Variants in CSMD1 observed in about 807,000 individuals in gnomAD.
CSMD1 encodes the protein CUB and Sushi multiple domains 1, also known as CUB and sushi domain-containing protein 1.
CSMD1 carries 213 observed loss-of-function variants against 417.5 expected under a neutral mutation model. That is an observed-to-expected ratio of 0.51 (90% confidence interval 0.46 to 0.57). The LOEUF (loss-of-function observed/expected upper bound fraction) is 0.57. Ranked by LOEUF, CSMD1 falls within the 20% of genes least tolerant of loss-of-function variation. The pLI is 0.00. For missense variants in CSMD1, 6,923 were observed against 4,529.7 expected (o/e 1.53, Z -15.17); for synonymous variants, 2,862 against 1,736.8 (o/e 1.65, Z -16.11).
At chr8:3,694,666 G>A (rs961466810) in intron 7 of CSMD1, among the ~76,000 whole-genome samples, 1 of 151,928 alleles carries the variant, frequency 6.6e-6, no homozygotes, top group Non-Finnish European at 1.5e-5. Flanking sequence ...CAGTGGAGGA[G>A]GTGCTCCACT....
chr8:4,073,409 G>T (rs892099898), intron 3 of CSMD1, among the ~76,000 whole-genome samples: 3 of 152,208 alleles, frequency 2.0e-5, no homozygotes, highest in Non-Finnish European at 4.4e-5. Context: ...AGAAGAAGCT[G>T]AGGGAAATTT....
At chr8:4,565,751 T>TAC (rs1314359735) in intron 2 of CSMD1, among the ~76,000 whole-genome samples, 1 of 850 alleles carries the variant, frequency 1.2e-3, no homozygotes, top group African/African-American at 2.2e-3. Context: ...AATATATACA[T>TAC]ATATATATAT....
chr8:4,708,999 C>T (rs974790), intron 1 of CSMD1, among the ~76,000 whole-genome samples: 68,260 of 151,966 alleles, frequency 0.45, 15,642 homozygotes, highest in Admixed American at 0.56. Context: ...TTCCAACCTC[C>T]TGAACCTTGA....
rs575197721 is a variant in CSMD1, at chr8:3,260,838, C to G, written c.4153+23306G>C. Reference sequence around the variant, plus strand: ...GAAAAGCTTTTGCTCTAAAAAAGACCCTGTGAAGAGGATGGAAAGACAAGC... The same window carrying G: ...GAAAAGCTTTTGCTCTAAAAAAGACGCTGTGAAGAGGATGGAAAGACAAGC... On this transcript the variant is annotated intron_variant, in intron 26 of 69. Coordinates refer to ENST00000635120, the MANE Select transcript of CSMD1 (RefSeq NM_033225.6). Among the ~76,000 whole-genome samples, 4 of 149,844 alleles carry G rather than the reference C, an allele frequency of 2.7e-5. No homozygotes were observed. In the South Asian group the frequency reaches 8.3e-4, roughly 31 times the overall value.
At chr8:4,474,122 T>C (rs1342400384) in intron 2 of CSMD1, among the ~76,000 whole-genome samples, 1 of 152,050 alleles carries the variant, frequency 6.6e-6, no homozygotes, top group Non-Finnish European at 1.5e-5. Flanking sequence ...ACTAGAGAGA[T>C]TGAAAATGAT....
intron 2 of CSMD1, among the ~76,000 whole-genome samples, chr8:4,636,849 G>A (rs936596927): frequency 2.0e-5 from 3 of 152,132 alleles, no homozygotes; most frequent in African/African-American, 7.2e-5. Context: ...GGGACTTGGA[G>A]AACTTTTCTG....
At chr8:4,029,999 C>T (rs561832275) in intron 4 of CSMD1, among the ~76,000 whole-genome samples, 1 of 152,302 alleles carries the variant, frequency 6.6e-6, no homozygotes, top group African/African-American at 2.4e-5. Flanking sequence ...GTCTCACATC[C>T]AGGTCATGCT....
intron 26 of CSMD1, among the ~76,000 whole-genome samples, chr8:3,230,866 C>T (rs2116909623): frequency 6.6e-6 from 1 of 152,266 alleles, no homozygotes; most frequent in East Asian, 1.9e-4. Flanking sequence ...TAATATCCTG[C>T]CTTTCTGCAT....
At chr8:3,893,439 A>T (rs182238963) in intron 5 of CSMD1, among the ~76,000 whole-genome samples, 1 of 149,508 alleles carries the variant, frequency 6.7e-6, no homozygotes, top group Non-Finnish European at 1.5e-5. Flanking sequence ...CCTGAAACCA[A>T]TGAGGACAGT....
chr8:4,713,908 G>A (rs7012567), intron 1 of CSMD1, among the ~76,000 whole-genome samples: 4,755 of 152,216 alleles, frequency 0.031, 120 homozygotes, highest in Non-Finnish European at 0.045. Context: ...TTGTGGGGAG[G>A]CCGAGGAGGG....
intron 5 of CSMD1, among the ~76,000 whole-genome samples, chr8:3,779,153 G>GTGTC (rs992470045): frequency 2.6e-5 from 3 of 115,692 alleles, no homozygotes; most frequent in Admixed American, 9.9e-5. Flanking sequence ...GCATACTTGT[G>GTGTC]TGTGTGTGTG....
chr8:3,449,567 G>A (rs149018398), intron 12 of CSMD1, among the ~76,000 whole-genome samples: 3 of 151,704 alleles, frequency 2.0e-5, no homozygotes, highest in Non-Finnish European at 4.4e-5. Flanking sequence ...GCCCAGGCTG[G>A]AGTGCAATGG....
intron 30 of CSMD1, among the ~76,000 whole-genome samples, chr8:3,206,596 ATGTC>A (rs1286837686): frequency 7.0e-5 from 7 of 99,360 alleles, no homozygotes; most frequent in Admixed American, 2.9e-4. Context: ...TGGGGGGCGT[ATGTC>A]TGTATGTGTG....
At chr8:4,260,679 G>C (rs1289877136) in intron 3 of CSMD1, among the ~76,000 whole-genome samples, 4 of 152,180 alleles carry the variant, frequency 2.6e-5, no homozygotes, top group East Asian at 3.9e-4. Flanking sequence ...TTTTGCGAGA[G>C]GTTAATCCAA....
At chr8:3,264,802 C>T (rs1272514178) in intron 26 of CSMD1, among the ~76,000 whole-genome samples, 1 of 152,002 alleles carries the variant, frequency 6.6e-6, no homozygotes, top group Non-Finnish European at 1.5e-5. Flanking sequence ...AGAAACAGTG[C>T]CTCTGTTTTG....
chr8:4,831,806 A>G (rs756725475), intron 1 of CSMD1, among the ~76,000 whole-genome samples: 20 of 152,132 alleles, frequency 1.3e-4, no homozygotes, highest in African/African-American at 4.3e-4. Flanking sequence ...AGGGACCAGC[A>G]TCTCCCACCC....
intron 41 of CSMD1, among the ~76,000 whole-genome samples, chr8:3,124,677 C>T (rs995859246): frequency 2.0e-5 from 3 of 152,158 alleles, no homozygotes; most frequent in African/African-American, 4.8e-5. Flanking sequence ...TCGCCACCTC[C>T]TAAGTGGAGA....
At chr8:4,944,491 T>A (rs1263833057) in intron 1 of CSMD1, among the ~76,000 whole-genome samples, 2 of 152,156 alleles carry the variant, frequency 1.3e-5, no homozygotes, top group Non-Finnish European at 2.9e-5. Context: ...AAACAGATCT[T>A]GGGAAAGCTG....
intron 23 of CSMD1, among the ~76,000 whole-genome samples, chr8:3,333,680 T>C (rs1414252516): frequency 2.0e-5 from 3 of 152,206 alleles, no homozygotes; most frequent in South Asian, 4.1e-4. Context: ...TTCCTTATTT[T>C]TATAACCCTA....
Sources: gnomAD v4.1 joint callset for allele counts (sites outside exome capture counted in the v4.1 genomes callset) on GRCh38, gnomAD v4.1.1 for gene constraint, MANE v1.5 for transcripts, NCBI Gene and HGNC (gene_info 2026-07-23, HGNC 2026-07-21) for gene names.